Variants in CFDP1 observed in about 807,000 individuals in gnomAD.
The protein encoded by CFDP1 is chromatin remodeling protein CFDP1, also known as heterochromatin-stabilizing protein CFDP1.
A neutral mutation model predicts 40.1 loss-of-function variants in CFDP1; 31 were observed. That is an observed-to-expected ratio of 0.77 (90% CI 0.58 to 1.04). The LOEUF is 1.04. Ranked by LOEUF, CFDP1 falls within the 50% of genes least tolerant of loss-of-function variation. The probability of loss-of-function intolerance (pLI) is 0.00; values close to 1 mark genes in which losing one functional copy is unlikely to be tolerated. For synonymous variants in CFDP1, 167 were observed against 120.0 expected (o/e 1.39, Z -2.56); for missense variants, 423 against 343.4 (o/e 1.23, Z -1.83).
At chr16:75,381,215 G>C (rs759177406) in intron 5 of CFDP1, 1 of 152,170 alleles carries the variant, frequency 6.6e-6, no homozygotes, top group Non-Finnish European at 1.5e-5. Flanking sequence ...TGTAATCCCA[G>C]CACTTTCAGA....
At chr16:75,414,030 T>C (rs1431025867) in intron 2 of CFDP1, among the ~76,000 whole-genome samples, 1 of 152,156 alleles carries the variant, frequency 6.6e-6, no homozygotes, top group Non-Finnish European at 1.5e-5. Context: ...TTTGTTGTAG[T>C]AAAGACTAGA....
At chr16:75,342,223 G>C (rs966525126) in intron 5 of CFDP1, among the ~76,000 whole-genome samples, 4 of 152,162 alleles carry the variant, frequency 2.6e-5, no homozygotes, top group African/African-American at 9.7e-5. Flanking sequence ...AAGATGTAGA[G>C]AACACTGGTG....
chr16:75,419,085 G>A (rs952836049), intron 1 of CFDP1: 2 of 419,404 alleles, frequency 4.8e-6, no homozygotes, highest in Admixed American at 2.5e-5. Flanking sequence ...GAAGGCTACA[G>A]TAAGCAGGAC....
At chr16:75,347,343 CAAAAAAAAAAAAA>C (rs762900031) in intron 5 of CFDP1, among the ~76,000 whole-genome samples, 2 of 91,626 alleles carry the variant, frequency 2.2e-5, no homozygotes, top group East Asian at 8.2e-4. Flanking sequence ...GACTCCATCT[CAAAAAAAAAAAAA>C]AAAAAAAAGA....
chr16:75,373,771 A>G (rs549378610), intron 5 of CFDP1, among the ~76,000 whole-genome samples: 8 of 152,280 alleles, frequency 5.3e-5, no homozygotes, highest in African/African-American at 1.9e-4. Context: ...TGTCCTTTAC[A>G]AGGGAAGCCT....
At chr16:75,391,101 T>C (rs572133916) in intron 5 of CFDP1, among the ~76,000 whole-genome samples, 2 of 152,390 alleles carry the variant, frequency 1.3e-5, no homozygotes, top group South Asian at 4.1e-4. Flanking sequence ...GATTTTAAGC[T>C]GCCATTTCTC....
chr16:75,417,712 CTG>C (rs988938310), intron 1 of CFDP1, among the ~76,000 whole-genome samples: 3 of 152,008 alleles, frequency 2.0e-5, no homozygotes, highest in Admixed American at 1.3e-4. Flanking sequence ...ATAAACATAA[CTG>C]TATACCAAAA....
At chr16:75,432,381 A>G (rs1285038035) in intron 1 of CFDP1, among the ~76,000 whole-genome samples, 1 of 148,764 alleles carries the variant, frequency 6.7e-6, no homozygotes, top group East Asian at 2.0e-4. Context: ...AAAAAAAAAA[A>G]AAAAAAAAAA....
intron 5 of CFDP1, among the ~76,000 whole-genome samples, chr16:75,354,177 T>C (rs943178924): frequency 6.6e-6 from 1 of 152,220 alleles, no homozygotes; most frequent in Non-Finnish European, 1.5e-5. Flanking sequence ...TGTGAGCACA[T>C]TTAAGGTAGG....
chr16:75,384,312 G>C (rs779629279), intron 5 of CFDP1, among the ~76,000 whole-genome samples: 1 of 152,144 alleles, frequency 6.6e-6, no homozygotes, highest in Non-Finnish European at 1.5e-5. Context: ...AGCCGAGCGA[G>C]ATAGCACCAC....
chr16:75,331,702 G>GTGTATCACGGGT (rs71158598), intron 5 of CFDP1, among the ~76,000 whole-genome samples: 10 of 151,908 alleles, frequency 6.6e-5, no homozygotes, highest in Admixed American at 6.6e-4. Context: ...TCCATGTTGT[G>GTGTATCACGGGT]TGTTCCTTGT....
chr16:75,334,440 A>G (rs1413364376), intron 5 of CFDP1, among the ~76,000 whole-genome samples: 1 of 150,178 alleles, frequency 6.7e-6, no homozygotes, highest in Non-Finnish European at 1.5e-5. Context: ...CCTGGGATAC[A>G]AGCCCCAGAA....
chr16:75,414,655 C>T lies in CFDP1; in HGVS notation c.105G>A (p.Lys35=). The change falls in exon 2 of 7, where the codon AAG becomes AAA. Residue 35 remains lysine (K), a synonymous_variant. Coordinates refer to ENST00000283882, the MANE Select transcript of CFDP1 (RefSeq NM_006324.3). The part of the protein sequence containing the change: ...YSEDDVNELV[K]EDEVDGEEQT... ...GCTCTTCACCATCCACTTCATCTTC[C>T]TTCACTAATTCATTTACATCATCTT... 6.2e-7 allele frequency: 1 copy of T among 1,613,540 alleles called. No individual in the cohort carries two copies. Among genetic ancestry groups the T allele is most frequent in the South Asian group, 1.1e-5 (1 of 91,044 alleles).
At chr16:75,338,961 G>A (rs1319605247) in intron 5 of CFDP1, among the ~76,000 whole-genome samples, 1 of 152,064 alleles carries the variant, frequency 6.6e-6, no homozygotes, top group Non-Finnish European at 1.5e-5. Flanking sequence ...CATTATATGT[G>A]TACAATTTGA....
chr16:75,418,969 G>A (rs764564175), intron 1 of CFDP1: 23 of 273,616 alleles, frequency 8.4e-5, no homozygotes, highest in Middle Eastern at 2.8e-3. Context: ...GCAAGAGCCT[G>A]TTTCTATAAA....
Position 75,312,513 on chromosome 16 carries a change from T to C in CFDP1, c.651-7331A>G, listed in dbSNP as rs544143481. Among the ~76,000 whole-genome samples, 31 of 152,332 alleles carry C rather than the reference T, an allele frequency of 2.0e-4. No individual in the cohort carries two copies. The South Asian group carries it at 2.3e-3, about 11-fold the overall frequency. On this transcript the variant is annotated intron_variant, in intron 5 of 6. Transcript: ENST00000283882. Reference sequence around the variant, plus strand: ...GAAAATGATTTATTCCTCAGTTCTATTGTTCTTTGCTAAGCCAATAATGAA... The same window carrying C: ...GAAAATGATTTATTCCTCAGTTCTACTGTTCTTTGCTAAGCCAATAATGAA...
intron 4 of CFDP1, among the ~76,000 whole-genome samples, chr16:75,401,770 GGAAA>G (rs74595355): frequency 0.52 from 78,362 of 151,526 alleles, 21,299 homozygotes; most frequent in Admixed American, 0.64. Flanking sequence ...TGACAAGCCT[GGAAA>G]GAGTCACCTG....
chr16:75,363,474 C>A (rs2078693280), intron 5 of CFDP1, among the ~76,000 whole-genome samples: 1 of 151,808 alleles, frequency 6.6e-6, no homozygotes, highest in Admixed American at 6.6e-5. Flanking sequence ...CAGCTCACTG[C>A]AACCTCTGCC....
At chr16:75,414,197 T>C (rs1218166766) in intron 2 of CFDP1, among the ~76,000 whole-genome samples, 3 of 152,056 alleles carry the variant, frequency 2.0e-5, no homozygotes, top group Admixed American at 2.0e-4. Context: ...TGCTACTATT[T>C]ATATTTTTTT....
Sources: allele counts gnomAD v4.1 joint callset (sites outside exome capture counted in the v4.1 genomes callset), GRCh38; gene constraint gnomAD v4.1.1; transcripts MANE v1.5; gene names NCBI Gene and HGNC (gene_info 2026-07-23, HGNC 2026-07-21).